Variants in GNPTAB observed in about 807,000 individuals in gnomAD.
The protein encoded by GNPTAB is N-acetylglucosamine-1-phosphate transferase subunits alpha and beta.
GNPTAB carries 92 observed loss-of-function variants against 136.6 expected under a neutral mutation model. The ratio of observed to expected loss-of-function variants is 0.67; its 90% CI spans 0.57 to 0.80. GNPTAB has a LOEUF of 0.80. GNPTAB is among the 30% of genes least tolerant of loss of function. The pLI is 0.00. For missense variants in GNPTAB, 1,343 were observed against 1,501.8 expected (o/e 0.89, Z 1.75); for synonymous variants, 512 against 535.1 (o/e 0.96, Z 0.60).
chr12:101,823,101 G>A (rs1233272365), intron 1 of GNPTAB, among the ~76,000 whole-genome samples: 1 of 152,226 alleles, frequency 6.6e-6, no homozygotes, highest in Non-Finnish European at 1.5e-5. Flanking sequence ...GACTGCTGAG[G>A]TCCTGGGTCA....
At chr12:101,760,556 T>C (rs577157421) in intron 15 of GNPTAB, among the ~76,000 whole-genome samples, 10 of 152,302 alleles carry the variant, frequency 6.6e-5, no homozygotes, top group African/African-American at 2.4e-4. Flanking sequence ...GAATCTCATA[T>C]GCAGGTATGG....
intron 2 of GNPTAB, among the ~76,000 whole-genome samples, chr12:101,795,708 G>A (rs1182795057): frequency 6.6e-6 from 1 of 151,774 alleles, no homozygotes; most frequent in African/African-American, 2.4e-5. Context: ...AGCCGAAATC[G>A]TGCCACTGCG....
At chr12:101,780,405 T>C (rs951145924) in intron 6 of GNPTAB, 119 bp from the exon 7 acceptor site, 56 of 1,200,472 alleles carry the variant, frequency 4.7e-5, no homozygotes, top group Non-Finnish European at 6.3e-5. Flanking sequence ...ATATGATTTT[T>C]AGGATTACTT....
intron 11 of GNPTAB, among the ~76,000 whole-genome samples, chr12:101,767,163 A>C (rs1322781047): frequency 1.3e-5 from 2 of 152,220 alleles, no homozygotes; most frequent in Non-Finnish European, 2.9e-5. Flanking sequence ...TCATATGGAA[A>C]TGGGGATGAT....
chr12:101,777,957 T>C (rs768015660), intron 7 of GNPTAB, among the ~76,000 whole-genome samples: 22 of 152,336 alleles, frequency 1.4e-4, no homozygotes, highest in Middle Eastern at 3.4e-3. Flanking sequence ...CTGAGAGGTG[T>C]TGGCCTCCAC....
intron 10 of GNPTAB, among the ~76,000 whole-genome samples, chr12:101,769,795 T>C (rs1953144036): frequency 6.6e-6 from 1 of 150,774 alleles, no homozygotes; most frequent in Non-Finnish European, 1.5e-5. Context: ...GCCCAGATAA[T>C]TATTTTACTT....
chr12:101,778,003 T>G (rs916251025), intron 7 of GNPTAB, among the ~76,000 whole-genome samples: 1 of 152,210 alleles, frequency 6.6e-6, no homozygotes, highest in Admixed American at 6.5e-5. Context: ...AATCTCTGAC[T>G]GGGAGACTGA....
intron 4 of GNPTAB, among the ~76,000 whole-genome samples, chr12:101,786,967 C>T (rs1868682880): frequency 6.6e-6 from 1 of 152,224 alleles, no homozygotes; most frequent in Admixed American, 6.5e-5. Context: ...CTCTTAAATA[C>T]TGCTGGTGTC....
chr12:101,771,096 T>G lies in GNPTAB; in HGVS notation c.833A>C (p.Gln278Pro). The G allele has an allele frequency of 6.2e-7, 1 of 1,613,970 alleles. No homozygotes were observed. The highest frequency in any genetic ancestry group is 8.5e-7 in the Non-Finnish European group (1 of 1,179,804). The change falls in exon 8 of 21, where the codon CAA becomes CCA. Residue 278 changes from glutamine (Q) to proline (P), a missense_variant. Transcript: ENST00000299314. ...CTTCTTAGTTTGCTTATTCAATTCT[T>G]GAAAATCCTTGGGGTTATTCAGTTT... ...LLKLNNPKDFQELNKQTKKNM... is the reference protein window; with the variant it reads ...LLKLNNPKDFPELNKQTKKNM...
chr12:101,816,551 C>T (rs532876197), intron 1 of GNPTAB, among the ~76,000 whole-genome samples: 41 of 152,244 alleles, frequency 2.7e-4, no homozygotes, highest in African/African-American at 9.6e-4. Context: ...ATAAGAAATG[C>T]TAGCAAGGAC....
In GNPTAB at chr12:101,822,196, G is replaced by A. The variant is rs943322084; in HGVS notation, c.117+8363C>T. On this transcript the variant is annotated intron_variant, in intron 1 of 20. Coordinates refer to ENST00000299314, the MANE Select transcript of GNPTAB (RefSeq NM_024312.5). ...TGGGAGGCCGAGGCGGGCGGATCACGAGGTCAGGAGATCAAGACCATCCTG... is the reference window on the plus strand; with the variant it reads ...TGGGAGGCCGAGGCGGGCGGATCACAAGGTCAGGAGATCAAGACCATCCTG... Among the ~76,000 whole-genome samples the A allele has an allele frequency of 5.9e-5, 9 of 152,214 alleles. No homozygotes were observed. The East Asian group carries it at 9.7e-4, about 16-fold the overall frequency.
intron 3 of GNPTAB, 32 bp downstream of exon 3, chr12:101,789,906 C>T (rs1487403955): frequency 8.7e-6 from 14 of 1,604,934 alleles, no homozygotes; most frequent in Non-Finnish European, 1.1e-5. Flanking sequence ...GCCACATTAC[C>T]CATCTGATGT....
rs776540837 is a variant in GNPTAB at position 101,830,722 on chromosome 12, C to A, written c.-47G>T. 45 of 1,136,300 alleles carry A rather than the reference C, an allele frequency of 4.0e-5. 1 individual carries two copies. In the South Asian group the frequency reaches 5.3e-4, roughly 14 times the overall value. The allele number at this position is 1,136,300 out of a possible 1,614,324, so 70.4% of individuals were successfully genotyped here. On this transcript the variant is annotated 5_prime_UTR_variant, in exon 1 of 21. Transcript: ENST00000299314. Reference sequence around the variant, plus strand: ...CGCCCCGAGGAGCCTGAGCCGCCGCCGCCGCCGCCGCCGCCTCAGCGAGCC... The same window carrying A: ...CGCCCCGAGGAGCCTGAGCCGCCGCAGCCGCCGCCGCCGCCTCAGCGAGCC...
At chr12:101,796,198 G>A (rs532621550) in intron 2 of GNPTAB, 4 of 701,888 alleles carry the variant, frequency 5.7e-6, no homozygotes, top group African/African-American at 3.5e-5. Flanking sequence ...CTCAGAAACC[G>A]CTGTGTAGTA....
intron 1 of GNPTAB, among the ~76,000 whole-genome samples, chr12:101,828,549 C>T (rs563820461): frequency 1.3e-5 from 2 of 152,216 alleles, no homozygotes; most frequent in South Asian, 4.1e-4. Flanking sequence ...ATCCCAGCTA[C>T]TTGGGAGGCT....
chr12:101,798,795 T>C (rs971000748), intron 1 of GNPTAB, among the ~76,000 whole-genome samples: 1 of 152,200 alleles, frequency 6.6e-6, no homozygotes. Flanking sequence ...GTAAACTGCA[T>C]GTTGCGGTAA....
At chr12:101,749,418 G>GAGA (rs2137098041) in intron 19 of GNPTAB, among the ~76,000 whole-genome samples, 1 of 152,318 alleles carries the variant, frequency 6.6e-6, no homozygotes, top group African/African-American at 2.4e-5. Context: ...CCAGGCAGGA[G>GAGA]AGAGGACTTC....
At chr12:101,788,241 G>A (rs931840184) in intron 4 of GNPTAB, among the ~76,000 whole-genome samples, 1 of 152,172 alleles carries the variant, frequency 6.6e-6, no homozygotes, top group Admixed American at 6.5e-5. Flanking sequence ...AAAATACTGG[G>A]TAGAAGATAC....
At chr12:101,822,260 A>C (rs1870844919) in intron 1 of GNPTAB, among the ~76,000 whole-genome samples, 1 of 152,156 alleles carries the variant, frequency 6.6e-6, no homozygotes, top group Non-Finnish European at 1.5e-5. Context: ...AAAAATACAA[A>C]AAATTAGCCG....
Sources: allele counts gnomAD v4.1 joint callset (sites outside exome capture counted in the v4.1 genomes callset), GRCh38; gene constraint gnomAD v4.1.1; transcripts MANE v1.5; gene names NCBI Gene and HGNC (gene_info 2026-07-23, HGNC 2026-07-21).